PPM1L: variants seen among roughly 807,000 people sequenced by gnomAD.
PPM1L encodes protein phosphatase, Mg2+/Mn2+ dependent 1L.
PPM1L carries 13 observed loss-of-function variants against 31.4 expected under a neutral mutation model. The observed-to-expected ratio is 0.41, with a 90% confidence interval of 0.27 to 0.66. The LOEUF (loss-of-function observed/expected upper bound fraction) is 0.66. Among genes scored for constraint, PPM1L ranks in the 30% least tolerant of loss-of-function variants. The pLI, the probability that PPM1L is intolerant of heterozygous loss-of-function variation, is 0.29. For synonymous variants in PPM1L, 184 were observed against 175.4 expected (o/e 1.05, Z -0.39); for missense variants, 326 against 453.7 (o/e 0.72, Z 2.56).
intron 2 of PPM1L, among the ~76,000 whole-genome samples, chr3:161,023,556 G>A (rs758629801): frequency 4.0e-5 from 6 of 151,818 alleles, no homozygotes; most frequent in East Asian, 1.9e-4. Flanking sequence ...CATTTACTAC[G>A]CAAATATAAA....
chr3:160,861,282 A>G (rs1711880321), intron 1 of PPM1L, among the ~76,000 whole-genome samples: 1 of 152,182 alleles, frequency 6.6e-6, no homozygotes, highest in Admixed American at 6.5e-5. Flanking sequence ...GGCAGAATAT[A>G]GTGTAATGTC....
chr3:160,819,762 T>C (rs1713137543), intron 1 of PPM1L, among the ~76,000 whole-genome samples: 1 of 152,018 alleles, frequency 6.6e-6, no homozygotes, highest in Non-Finnish European at 1.5e-5. Context: ...ATAGAGGGAA[T>C]GGATCCATGG....
At chr3:160,861,774 G>A (rs1283463814) in intron 1 of PPM1L, among the ~76,000 whole-genome samples, 1 of 152,178 alleles carries the variant, frequency 6.6e-6, no homozygotes, top group Non-Finnish European at 1.5e-5. Context: ...CAGCAGACAT[G>A]TGTTCCTTTT....
chr3:161,017,119 G>A (rs1225393828), intron 2 of PPM1L, among the ~76,000 whole-genome samples: 1 of 152,116 alleles, frequency 6.6e-6, no homozygotes, highest in Non-Finnish European at 1.5e-5. Flanking sequence ...TGTGGATAGA[G>A]ATGATTCATA....
chr3:160,874,728 G>A (rs532606363), intron 1 of PPM1L, among the ~76,000 whole-genome samples: 1 of 152,210 alleles, frequency 6.6e-6, no homozygotes, highest in African/African-American at 2.4e-5. Flanking sequence ...GCCCTAAAAG[G>A]TGATACAACC....
At chr3:161,035,518 T>A (rs1329145559) in intron 2 of PPM1L, among the ~76,000 whole-genome samples, 4 of 152,236 alleles carry the variant, frequency 2.6e-5, no homozygotes, top group Non-Finnish European at 4.4e-5. Context: ...CAACTACTCC[T>A]TGTTGTTACT....
intron 1 of PPM1L, among the ~76,000 whole-genome samples, chr3:160,900,541 C>T (rs1244170500): frequency 6.6e-6 from 1 of 151,912 alleles, no homozygotes; most frequent in East Asian, 1.9e-4. Context: ...CCTTTTTATT[C>T]CCCTTCCTTC....
rs114332674 is a variant in PPM1L, at chr3:160,887,420, A to G, written c.400-74316A>G. On this transcript the variant is annotated intron_variant, in intron 1 of 3. Coordinates refer to ENST00000498165, the MANE Select transcript of PPM1L (RefSeq NM_139245.4). ...ACTCCATGAAAAGATCAACCTCAAG[A>G]CACATAATCATAAAATTCTCCAAGG... 4.5e-3 allele frequency among the ~76,000 whole-genome samples: 689 copies of G among 152,110 alleles called. 5 individuals carry two copies. Among genetic ancestry groups the G allele is most frequent in the African/African-American group, 0.015 (632 of 41,494 alleles).
chr3:160,868,437 A>G (rs961642140), intron 1 of PPM1L, among the ~76,000 whole-genome samples: 1 of 152,236 alleles, frequency 6.6e-6, no homozygotes, highest in African/African-American at 2.4e-5. Context: ...CCTCACCTGT[A>G]CAACATGGTC....
intron 2 of PPM1L, among the ~76,000 whole-genome samples, chr3:160,972,559 A>G (rs951785207): frequency 3.3e-5 from 5 of 152,150 alleles, no homozygotes; most frequent in African/African-American, 4.8e-5. Flanking sequence ...ATAGCATTCC[A>G]TGGTGTATAT....
intron 2 of PPM1L, among the ~76,000 whole-genome samples, chr3:160,962,581 C>G (rs1165620873): frequency 6.6e-6 from 1 of 150,540 alleles, no homozygotes; most frequent in Non-Finnish European, 1.5e-5. Context: ...CTATACCTCT[C>G]CACCTCCCCC....
rs190488876 is a variant in PPM1L at position 160,940,211 on chromosome 3, G to A, written c.400-21525G>A. ...AGAGGTGACTTGGGTACTGTTAAAG[G>A]CATTCAGTTTTATAAGGGAAGCAGA... On this transcript the variant is annotated intron_variant, in intron 1 of 3. Coordinates refer to ENST00000498165, the MANE Select transcript of PPM1L (RefSeq NM_139245.4). Among the ~76,000 whole-genome samples, 4 of 152,296 alleles carry A rather than the reference G, an allele frequency of 2.6e-5. No individual in the cohort carries two copies. In the East Asian group the frequency reaches 7.7e-4, roughly 29 times the overall value.
intron 1 of PPM1L, chr3:160,882,339 T>C (rs143440688): frequency 1.4e-3 from 206 of 152,306 alleles, no homozygotes; most frequent in African/African-American, 4.7e-3. Flanking sequence ...TAGTTGAAGT[T>C]TGAATTAATG....
chr3:161,001,405 C>T (rs1258965649), intron 2 of PPM1L, among the ~76,000 whole-genome samples: 1 of 152,066 alleles, frequency 6.6e-6, no homozygotes, highest in African/African-American at 2.4e-5. Context: ...GCCTCAGCCT[C>T]CCGAGTAGTT....
intron 1 of PPM1L, among the ~76,000 whole-genome samples, chr3:160,820,829 A>G (rs191885755): frequency 2.6e-5 from 4 of 152,182 alleles, no homozygotes; most frequent in Non-Finnish European, 5.9e-5. Flanking sequence ...TGTTGTTCCT[A>G]TATGCCAATG....
intron 1 of PPM1L, among the ~76,000 whole-genome samples, chr3:160,903,212 G>A (rs1007109080): frequency 0.031 from 3,914 of 128,110 alleles, 49 homozygotes; most frequent in African/African-American, 0.045. Flanking sequence ...GTATGTTTGT[G>A]TGTGTGTGTG....
chr3:160,783,411 C>A (rs1711804986), intron 1 of PPM1L, among the ~76,000 whole-genome samples: 1 of 151,924 alleles, frequency 6.6e-6, no homozygotes, highest in Admixed American at 6.6e-5. Context: ...ACCAGCCTGG[C>A]CAATATGGTG....
chr3:161,061,283 C>G (rs1719562451), intron 2 of PPM1L, among the ~76,000 whole-genome samples: 1 of 152,226 alleles, frequency 6.6e-6, no homozygotes, highest in Non-Finnish European at 1.5e-5. Context: ...GGAGACATTT[C>G]AGTAATTCAG....
intron 2 of PPM1L, among the ~76,000 whole-genome samples, chr3:160,967,144 C>T (rs965827763): frequency 3.9e-5 from 6 of 151,900 alleles, no homozygotes; most frequent in African/African-American, 1.4e-4. Context: ...AAGGGAAGTT[C>T]CCCTGCACAT....
Sources: gnomAD v4.1 joint callset for allele counts (sites outside exome capture counted in the v4.1 genomes callset) on GRCh38, gnomAD v4.1.1 for gene constraint, MANE v1.5 for transcripts, NCBI Gene and HGNC (gene_info 2026-07-23, HGNC 2026-07-21) for gene names.